The following SHROOM2 variants were observed in gnomAD, a reference collection of about 807,000 sequenced individuals.
SHROOM2 encodes protein Shroom2.
A neutral mutation model predicts 75.9 loss-of-function variants in SHROOM2; 33 were observed. The observed-to-expected ratio is 0.43, with a 90% CI of 0.33 to 0.58. The LOEUF (loss-of-function observed/expected upper bound fraction) is 0.58, where lower values mean the gene tolerates loss of function less well. Among genes scored for constraint, SHROOM2 ranks in the 20% least tolerant of loss-of-function variants. SHROOM2 has a pLI of 0.04. For synonymous variants in SHROOM2, 655 were observed against 663.6 expected (o/e 0.99, Z 0.20); for missense variants, 1,434 against 1,461.2 (o/e 0.98, Z 0.30).
chrX:9,880,144 A>G (rs1000309664), intron 2 of SHROOM2, among the ~76,000 whole-genome samples: 8 of 112,167 alleles, frequency 7.1e-5, no homozygotes, highest in Admixed American at 9.4e-5. Context: ...GGTGTCTGTC[A>G]TCTGGGAGGT....
In SHROOM2 at chrX:9,932,327, T is replaced by C. The variant is rs756393070; in HGVS notation, c.3044T>C (p.Leu1015Pro). 6 of 1,208,983 alleles carry C rather than the reference T, an allele frequency of 5.0e-6. No homozygotes were observed. Among genetic ancestry groups the C allele is most frequent in the Non-Finnish European group, 6.7e-6 (6 of 894,252 alleles). The change falls in exon 6 of 10, where the codon CTA (leucine) becomes CCA (proline). Residue 1015 changes from leucine (L) to proline (P), a missense_variant. This residue lies in a region of SHROOM2 where 1,340 missense variants were observed against 1,338.3 expected (regional missense o/e 1.00). Coordinates refer to ENST00000380913, the MANE Select transcript of SHROOM2 (RefSeq NM_001649.4). ...PREGRGRAGT[L>P]PRDYRYSEES... ...GAGGGCCGGGGCCGAGCGGGAACCC[T>C]ACCTCGAGATTATAGATACTCGGAG... is the stretch of plus-strand genomic sequence containing the variant.
chrX:9,913,369 T>C (rs1262914683), intron 5 of SHROOM2: 2 of 112,675 alleles, frequency 1.8e-5, no homozygotes, highest in Non-Finnish European at 3.7e-5. Flanking sequence ...GGAATCACCA[T>C]GGTTCTTAGC....
chrX:9,890,223 T>C (rs1330025541), intron 2 of SHROOM2, among the ~76,000 whole-genome samples: 3 of 111,358 alleles, frequency 2.7e-5, no homozygotes, highest in Non-Finnish European at 5.7e-5. Context: ...AGAAATTAGC[T>C]GGGCGTGGTG....
At chrX:9,889,268 C>T (rs940995576) in intron 2 of SHROOM2, among the ~76,000 whole-genome samples, 1 of 112,424 alleles carries the variant, frequency 8.9e-6, no homozygotes, top group African/African-American at 3.2e-5. Context: ...TGATCTGAGT[C>T]ATCGAAAGGT....
chrX:9,889,324 AT>A (rs1304015198), intron 2 of SHROOM2, among the ~76,000 whole-genome samples: 2 of 112,263 alleles, frequency 1.8e-5, no homozygotes, highest in African/African-American at 3.2e-5. Flanking sequence ...AATGTTCTTT[AT>A]TGCATAATGT....
intron 8 of SHROOM2, among the ~76,000 whole-genome samples, chrX:9,942,273 A>G (rs1041583770): frequency 8.9e-6 from 1 of 112,096 alleles, no homozygotes; most frequent in Non-Finnish European, 1.9e-5. Flanking sequence ...AACACAGAAG[A>G]CTTCGGTGAC....
At chrX:9,838,284 T>C (rs1420599990) in intron 1 of SHROOM2, among the ~76,000 whole-genome samples, 1 of 109,887 alleles carries the variant, frequency 9.1e-6, no homozygotes, top group South Asian at 3.9e-4. Flanking sequence ...ATGGTCTCGA[T>C]CTCCTGACCT....
At chrX:9,870,553 A>C (rs1022677444) in intron 1 of SHROOM2, among the ~76,000 whole-genome samples, 1 of 112,197 alleles carries the variant, frequency 8.9e-6, no homozygotes, top group African/African-American at 3.2e-5. Context: ...GTCTATAAAT[A>C]TATATTAATT....
At chrX:9,834,908 T>A (rs151186048) in intron 1 of SHROOM2, among the ~76,000 whole-genome samples, 4 of 111,903 alleles carry the variant, frequency 3.6e-5, no homozygotes, top group Non-Finnish European at 7.5e-5. Context: ...TGTGCTGGCT[T>A]TGTTCTAAAA....
At chrX:9,907,825 C>G (rs896975987) in intron 5 of SHROOM2, among the ~76,000 whole-genome samples, 2 of 112,043 alleles carry the variant, frequency 1.8e-5, no homozygotes, top group Non-Finnish European at 3.8e-5. Context: ...CGTTTGCTCA[C>G]AGGCGGCCTG....
intron 5 of SHROOM2, among the ~76,000 whole-genome samples, chrX:9,923,033 T>C (rs1032288180): frequency 2.7e-5 from 3 of 111,934 alleles, no homozygotes; most frequent in Admixed American, 9.5e-5. Context: ...CTGTAATTGC[T>C]CATTTTGAAA....
At chrX:9,837,134 A>G (rs1416078506) in intron 1 of SHROOM2, among the ~76,000 whole-genome samples, 1 of 112,234 alleles carries the variant, frequency 8.9e-6, no homozygotes, top group Non-Finnish European at 1.9e-5. Context: ...GCACGGTCTC[A>G]TTGCTTTCCC....
intron 3 of SHROOM2, among the ~76,000 whole-genome samples, chrX:9,894,012 C>A (rs2084308625): frequency 9.0e-6 from 1 of 111,011 alleles, no homozygotes; most frequent in Admixed American, 9.5e-5. Context: ...TGTGGCCACC[C>A]CTGCGCTTAA....
chrX:9,849,361 A>G (rs921677419), intron 1 of SHROOM2, among the ~76,000 whole-genome samples: 1 of 109,777 alleles, frequency 9.1e-6, no homozygotes, highest in Non-Finnish European at 1.9e-5. Context: ...CCTTCCCCAG[A>G]CTCCTCCCCA....
In SHROOM2 at chrX:9,932,411, C is replaced by T. The variant is rs1458386286; in HGVS notation, c.3128C>T (p.Ala1043Val). The change falls in exon 6 of 10, where the codon GCT (alanine) becomes GTT (valine). Residue 1043 changes from alanine to valine, a missense_variant. Ala to Val is a moderately conservative substitution (Grantham distance 64). Coordinates refer to ENST00000380913, the MANE Select transcript of SHROOM2 (RefSeq NM_001649.4). ...CAGAGCCCTGGCTCACCCCTGCATG[C>T]TCGAGGACAAGACTCGTGGCCAGTG... ...RAQSPGSPLH[A>V]RGQDSWPVSS... 1 of 1,208,834 alleles carries T rather than the reference C, an allele frequency of 8.3e-7. No homozygotes were observed. Among genetic ancestry groups the T allele is most frequent in the South Asian group, 1.8e-5 (1 of 56,558 alleles).
In SHROOM2 at chrX:9,880,149, G is replaced by A. The variant is rs1226282460; in HGVS notation, c.317+6346G>A. On this transcript the variant is annotated intron_variant, in intron 2 of 9. Transcript: ENST00000380913. Reference sequence around the variant, plus strand: ...GACAGGTCTTGGTGTCTGTCATCTGGGAGGTAGTGTCCTGCGAGAGGCAGC... The same window carrying A: ...GACAGGTCTTGGTGTCTGTCATCTGAGAGGTAGTGTCCTGCGAGAGGCAGC... Among the ~76,000 whole-genome samples, 4 of 112,219 alleles carry A rather than the reference G, an allele frequency of 3.6e-5. No individual in the cohort carries two copies. The East Asian group carries it at 1.1e-3, about 31-fold the overall frequency.
At chrX:9,803,055 A>G (rs2083732624) in intron 1 of SHROOM2, among the ~76,000 whole-genome samples, 1 of 106,910 alleles carries the variant, frequency 9.4e-6, no homozygotes, top group Non-Finnish European at 1.9e-5. Context: ...TAGCCCCCTG[A>G]GTAGCTGGGA....
At chrX:9,795,071 G>A (rs1277873705) in intron 1 of SHROOM2, among the ~76,000 whole-genome samples, 1 of 107,768 alleles carries the variant, frequency 9.3e-6, no homozygotes, top group Non-Finnish European at 1.9e-5. Flanking sequence ...TTTGTACTAG[G>A]TCTACTTTTT....
chrX:9,810,408 G>A (rs769073144), intron 1 of SHROOM2, among the ~76,000 whole-genome samples: 33 of 111,286 alleles, frequency 3.0e-4, no homozygotes, highest in Middle Eastern at 4.6e-3. Flanking sequence ...GTTCCATTGC[G>A]GAGTAGTAGA....
Sources: allele counts gnomAD v4.1 joint callset (sites outside exome capture counted in the v4.1 genomes callset), GRCh38; gene constraint gnomAD v4.1.1; regional missense constraint gnomAD v4.1.1; transcripts MANE v1.5; gene names NCBI Gene and HGNC (gene_info 2026-07-23, HGNC 2026-07-21).